NRXN1: variants seen among roughly 807,000 people sequenced by gnomAD.
NRXN1 encodes the protein neurexin-1.
A neutral mutation model predicts 150.9 loss-of-function variants in NRXN1; 39 were observed. That is an observed-to-expected ratio of 0.26 (90% CI 0.20 to 0.34). The LOEUF is 0.34. Ranked by LOEUF, NRXN1 falls within the 10% of genes least tolerant of loss-of-function variation. The probability of loss-of-function intolerance (pLI) is 1.00; values close to 1 mark genes in which losing one functional copy is unlikely to be tolerated. For missense variants in NRXN1, 1,815 were observed against 1,949.9 expected, an observed-to-expected ratio of 0.93 and a Z score of 1.30; for synonymous variants, 924 against 757.0, an observed-to-expected ratio of 1.22 and a Z score of -3.62.
At chr2:50,975,006 G>A (rs1695600937) in intron 2 of NRXN1, among the ~76,000 whole-genome samples, 1 of 151,670 alleles carries the variant, frequency 6.6e-6, no homozygotes, top group Non-Finnish European at 1.5e-5. Context: ...TTCCCAAAAT[G>A]TGGTTCCAGG....
intron 8 of NRXN1, among the ~76,000 whole-genome samples, chr2:50,594,941 C>T (rs191963672): frequency 2.6e-5 from 4 of 151,426 alleles, no homozygotes; most frequent in South Asian, 4.2e-4. Flanking sequence ...CTTTTGTCCA[C>T]GGTACCCTCT....
intron 18 of NRXN1, among the ~76,000 whole-genome samples, chr2:50,228,568 C>T (rs780813036): frequency 2.0e-5 from 3 of 151,912 alleles, no homozygotes; most frequent in Admixed American, 6.6e-5. Flanking sequence ...TGACAGAAGT[C>T]TGGGATGGAG....
At chr2:50,734,546 T>A (rs1014215417) in intron 5 of NRXN1, among the ~76,000 whole-genome samples, 1 of 152,090 alleles carries the variant, frequency 6.6e-6, no homozygotes, top group African/African-American at 2.4e-5. Context: ...TAATGAACCA[T>A]CAAATATCAT....
chr2:50,859,305 C>A (rs1487996572), intron 5 of NRXN1, among the ~76,000 whole-genome samples: 1 of 151,914 alleles, frequency 6.6e-6, no homozygotes. Context: ...AACCAGCACA[C>A]CTTGGCAGTG....
chr2:49,985,023 G>C (rs1314097375), intron 21 of NRXN1, among the ~76,000 whole-genome samples: 1 of 152,108 alleles, frequency 6.6e-6, no homozygotes, highest in Non-Finnish European at 1.5e-5. Context: ...GGAGAGAATG[G>C]GGCAGTGAAA....
chr2:50,290,773 C>T (rs2152943263), intron 17 of NRXN1, among the ~76,000 whole-genome samples: 1 of 152,190 alleles, frequency 6.6e-6, no homozygotes, highest in South Asian at 2.1e-4. Flanking sequence ...AAATAAACAA[C>T]AGTGGTAAAA....
chr2:50,235,935 A>T (rs541087841), intron 18 of NRXN1, among the ~76,000 whole-genome samples: 2 of 152,194 alleles, frequency 1.3e-5, no homozygotes, highest in East Asian at 3.9e-4. Flanking sequence ...GATTTTTTGG[A>T]TATATCAATA....
At chr2:49,931,986 A>C (rs1194033499) in intron 22 of NRXN1, among the ~76,000 whole-genome samples, 2 of 152,200 alleles carry the variant, frequency 1.3e-5, no homozygotes, top group Non-Finnish European at 2.9e-5. Flanking sequence ...TGAAACTAGA[A>C]ATTTTTGGAA....
chr2:50,979,304 A>G (rs1221582408), intron 2 of NRXN1: 2 of 517,010 alleles, frequency 3.9e-6, no homozygotes, highest in African/African-American at 1.9e-5. Flanking sequence ...TTCCTCACCC[A>G]TGGACAATGT....
intron 21 of NRXN1, among the ~76,000 whole-genome samples, chr2:50,029,235 C>G (rs544842665): frequency 6.6e-6 from 1 of 152,178 alleles, no homozygotes; most frequent in Non-Finnish European, 1.5e-5. Context: ...GAATCAGCTG[C>G]CACCTTGATC....
At chr2:50,157,313 C>A (rs973262476) in intron 18 of NRXN1, among the ~76,000 whole-genome samples, 1 of 151,916 alleles carries the variant, frequency 6.6e-6, no homozygotes, top group Admixed American at 6.6e-5. Context: ...TAACTTTAAG[C>A]GTTTTCACCA....
At chr2:50,665,712 C>A (rs537516423) in intron 5 of NRXN1, among the ~76,000 whole-genome samples, 92 of 151,978 alleles carry the variant, frequency 6.1e-4, no homozygotes, top group African/African-American at 2.1e-3. Flanking sequence ...CAAAGTGAGG[C>A]CCTTCTCTAA....
rs1192295616 is a variant in NRXN1, at chr2:51,028,422, C to CTT, written c.-151_-150dup. 5 of 482,796 alleles carry CTT rather than the reference C, an allele frequency of 1.0e-5. No individual in the cohort carries two copies. Among genetic ancestry groups the CTT allele is most frequent in the Admixed American group, 3.8e-5 (1 of 26,454 alleles). 29.9% of individuals were successfully genotyped at this position (482,796 alleles called of 1,614,324 possible). A position where few individuals can be genotyped will look rare whatever the true frequency, so the allele number is the denominator to read the frequency against. ...GGGATGTGCCCTCCTTTATCTAGTTCTTTTTTTCTTCTTCTTCTTCCAATA... is the reference window on the plus strand; with the variant it reads ...GGGATGTGCCCTCCTTTATCTAGTTCTTTTTTTTTCTTCTTCTTCTTCCAATA... On this transcript the variant is annotated 5_prime_UTR_variant, in exon 2 of 23. Transcript: ENST00000401669.
intron 17 of NRXN1, among the ~76,000 whole-genome samples, chr2:50,396,324 T>C (rs1201337449): frequency 6.6e-6 from 1 of 152,210 alleles, no homozygotes; most frequent in Non-Finnish European, 1.5e-5. Context: ...GAAAGTTTCT[T>C]TGCTTAACAG....
At chr2:50,433,198 G>C (rs1206022795) in intron 17 of NRXN1, among the ~76,000 whole-genome samples, 1 of 152,194 alleles carries the variant, frequency 6.6e-6, no homozygotes, top group East Asian at 1.9e-4. Context: ...CACTGAGTTA[G>C]TCAATCCCAC....
chr2:50,500,381 T>C (rs147877880), intron 13 of NRXN1, among the ~76,000 whole-genome samples: 1 of 152,148 alleles, frequency 6.6e-6, no homozygotes, highest in South Asian at 2.1e-4. Context: ...ATGGTAGATA[T>C]ATTTGTTCAC....
At chr2:50,538,123 G>T (rs2093306893) in intron 10 of NRXN1, 130 bp downstream of exon 10, 3 of 1,013,840 alleles carry the variant, frequency 3.0e-6, no homozygotes, top group Non-Finnish European at 4.2e-6. Flanking sequence ...AGGTATGGCT[G>T]CTCAGCTTGC....
intron 12 of NRXN1, among the ~76,000 whole-genome samples, chr2:50,526,523 A>T (rs2092956476): frequency 6.6e-6 from 1 of 152,204 alleles, no homozygotes; most frequent in Non-Finnish European, 1.5e-5. Flanking sequence ...TTTATTGAGT[A>T]CAAAATGCAC....
At chr2:50,603,525 T>C (rs1265440163) in intron 8 of NRXN1, among the ~76,000 whole-genome samples, 1 of 152,036 alleles carries the variant, frequency 6.6e-6, no homozygotes, top group Non-Finnish European at 1.5e-5. Context: ...TTGAAGAGGA[T>C]TTGGTTTGTT....
Sources: gnomAD v4.1 joint callset for allele counts (sites outside exome capture counted in the v4.1 genomes callset) on GRCh38, gnomAD v4.1.1 for gene constraint, MANE v1.5 for transcripts, NCBI Gene and HGNC (gene_info 2026-07-23, HGNC 2026-07-21) for gene names.